The following MDC1 variants were observed in gnomAD, a reference collection of about 807,000 sequenced individuals.
MDC1 encodes the protein mediator of DNA damage checkpoint 1, also known as mediator of DNA damage checkpoint protein 1.
A neutral mutation model predicts 142.5 loss-of-function variants in MDC1; 81 were observed. The ratio of observed to expected loss-of-function variants is 0.57; its 90% confidence interval spans 0.47 to 0.68. The LOEUF (loss-of-function observed/expected upper bound fraction) is 0.68. MDC1 is among the 30% of genes least tolerant of loss of function. The pLI, the probability that MDC1 is intolerant of heterozygous loss-of-function variation, is 0.00. For synonymous variants in MDC1, 797 were observed against 968.4 expected (o/e 0.82, Z 3.29); for missense variants, 2,119 against 2,547.9 (o/e 0.83, Z 3.62).
At position 30,705,433 on chromosome 6, in the gene MDC1, G is replaced by A; in HGVS notation, c.3750C>T (p.Leu1250=). The A allele has an allele frequency of 6.2e-7, 1 of 1,611,328 alleles. No individual in the cohort carries two copies. The part of the protein sequence containing the change: ...PEPVVPTAPE[L]QPSTSTDQPV... The stretch of plus-strand genomic sequence containing the variant: ...GCTGGTCTGTGGAGGTGGAAGGCTG[G>A]AGCTCAGGGGCTGTGGGGACAACTG... Residue 1250 remains leucine, a synonymous_variant, in exon 10 of 15, where the codon CTC becomes CTT. Transcript: ENST00000376406.
At position 30,705,771 on chromosome 6, in the gene MDC1, T is replaced by A. The variant is rs1177579340; in HGVS notation, c.3412A>T (p.Thr1138Ser). 2 of 1,612,724 alleles carry A rather than the reference T, an allele frequency of 1.2e-6. No individual in the cohort carries two copies. Among genetic ancestry groups the A allele is most frequent in the Non-Finnish European group, 8.5e-7 (1 of 1,179,314 alleles). The change falls in exon 10 of 15, where the codon ACT becomes TCT. Residue 1138 changes from threonine to serine, a missense_variant. Coordinates refer to ENST00000376406, the MANE Select transcript of MDC1 (RefSeq NM_014641.3). ...HPSTSTAQPVTPKPTSQATRS... is the reference protein window; with the variant it reads ...HPSTSTAQPVSPKPTSQATRS... ...GTGGCCTGAGATGTGGGCTTGGGAG[T>A]GACTGGCTGGGCTGTGGAGGTGGAA...
chr6:30,707,630 G>A lies in MDC1; in HGVS notation c.2949C>T (p.Pro983=), dbSNP rs553159423. ...CACCTGACTGGCTCCCAGAAGGTAC[G>A]GGGGCTGAGGTAGGTCCCGGAAGGT... ...AGDLPGPTSA[P]VPSGSQSGGR... Residue 983 remains proline, a synonymous_variant, in exon 8 of 15, where the codon CCC becomes CCT. Coordinates refer to ENST00000376406, the MANE Select transcript of MDC1 (RefSeq NM_014641.3). 61 of 1,613,008 alleles carry A rather than the reference G, an allele frequency of 3.8e-5. No individual in the cohort carries two copies. The African/African-American group carries it at 5.5e-4, about 14-fold the overall frequency.
chr6:30,714,558 C>T, intron 2 of MDC1, among the ~76,000 whole-genome samples: 1 of 150,754 alleles, frequency 6.6e-6, no homozygotes, highest in Non-Finnish European at 1.5e-5. Context: ...GTCACCCAGG[C>T]TAGAATGCAG....
Position 30,705,287 on chromosome 6 carries a change from C to T in MDC1, c.3896G>A (p.Arg1299Gln), listed in dbSNP as rs144657716. The T allele has an allele frequency of 3.8e-3, 5,593 of 1,473,696 alleles. 60 individuals carry two copies. The highest frequency in any genetic ancestry group is 0.013 in the African/African-American group (729 of 54,784). 91.3% of individuals were successfully genotyped at this position (1,473,696 alleles called of 1,614,324 possible). The change falls in exon 10 of 15, where the codon CGA (arginine) becomes CAA (glutamine). Residue 1299 changes from arginine to glutamine, a missense_variant. By Grantham distance (43) the Arg-to-Gln change is conservative. Transcript: ENST00000376406. ...AGATGTGGGCTTGGGGGTGACAGGT[C>T]GGTCTGTGGAGGTGGAAGGCCGGAG... ...PELRPSTSTD[R>Q]PVTPKPTSRT...
rs1046878940 is a variant in MDC1, at chr6:30,715,350, T to G, written c.-3-172A>C. 6.6e-6 allele frequency among the ~76,000 whole-genome samples: 1 copy of G among 152,236 alleles called. No individual in the cohort carries two copies. Among genetic ancestry groups the G allele is most frequent in the African/African-American group, 2.4e-5 (1 of 41,458 alleles). Reference sequence around the variant, plus strand: ...TGAAGCACTTAAAACATTTTTTTCTTTTTTGTGATGGAGTCTCGTTCTGCT... The same window carrying G: ...TGAAGCACTTAAAACATTTTTTTCTGTTTTGTGATGGAGTCTCGTTCTGCT... On this transcript the variant is annotated intron_variant, in intron 1 of 14. Coordinates refer to ENST00000376406, the MANE Select transcript of MDC1 (RefSeq NM_014641.3). This position sits in a 1 kb window ranked among gnomAD's most constrained non-coding sequence, Gnocchi z 4.1.
Position 30,704,525 on chromosome 6 carries a change from G to A in MDC1, c.4658C>T (p.Ser1553Phe). 6.2e-7 allele frequency: 1 copy of A among 1,611,918 alleles called. No homozygotes were observed. Among genetic ancestry groups the A allele is most frequent in the African/African-American group, 1.3e-5 (1 of 74,898 alleles). Residue 1553 changes from serine (S) to phenylalanine (F), a missense_variant, in exon 10 of 15, where the codon TCT (serine) becomes TTT (phenylalanine). Transcript: ENST00000376406. ...TDQPVTPEPT[S>F]RATRGRTNRS... ...ATTTGTCCTGCCCCTAGTGGCCCGA[G>A]ATGTGGGCTCAGGGGTGACAGGTTG... is the stretch of plus-strand genomic sequence containing the variant.
At chr6:30,714,350 C>G (rs1191296204) in intron 2 of MDC1, among the ~76,000 whole-genome samples, 167 bp from the exon 3 acceptor site, 1 of 152,120 alleles carries the variant, frequency 6.6e-6, no homozygotes. Flanking sequence ...GATACCCCAT[C>G]CATCCACAAT....
At position 30,708,359 on chromosome 6, in the gene MDC1, TGGAAGGGGA is replaced by T. The variant is rs1419779411; in HGVS notation, c.2222-11_2222-3del. 6 of 1,604,600 alleles carry T rather than the reference TGGAAGGGGA, an allele frequency of 3.7e-6. No individual in the cohort carries two copies. Among genetic ancestry groups the T allele is most frequent in the Admixed American group, 3.4e-5 (2 of 59,668 alleles). ...CCTCCCATGGTTCATCTAGGGTACC[TGGAAGGGGA>T]GGAAGGAAGAGAGAGAGAGGGAGAG... On this transcript the variant is annotated splice_polypyrimidine_tract_variant and splice_region_variant and intron_variant, in intron 7 of 14. Transcript: ENST00000376406.
chr6:30,713,171 C>G lies in MDC1; in HGVS notation c.771G>C (p.Gln257His). Residue 257 changes from glutamine (Q) to histidine (H), a missense_variant, in exon 5 of 15, where the codon CAG becomes CAC. Gln to His is a conservative substitution (Grantham distance 24). Transcript: ENST00000376406. This position sits in a 1 kb window ranked among gnomAD's most constrained non-coding sequence, Gnocchi z 4.9. ...TCACTAAAGGCTGATCCTTTTCAAG[C>G]TGGATTTCAGTTACAACTTCAGCTT... ...QSEAEVVTEI[Q>H]LEKDQPLVKE... The G allele has an allele frequency of 6.2e-7, 1 of 1,613,024 alleles. No individual in the cohort carries two copies. The highest frequency in any genetic ancestry group is 8.5e-7 in the Non-Finnish European group (1 of 1,179,954).
In MDC1 at chr6:30,702,542, C is replaced by T. The variant is rs1165775052; in HGVS notation, c.6102+11G>A. 3 of 1,543,244 alleles carry T rather than the reference C, an allele frequency of 1.9e-6. No individual in the cohort carries two copies. Among genetic ancestry groups the T allele is most frequent in the Admixed American group, 2.1e-5 (1 of 48,618 alleles). The stretch of plus-strand genomic sequence containing the variant: ...GCCACCTCACCCAGACCCAGAACAT[C>T]CTAAGCATACCTTATAGGACCGAGG... On this transcript the variant is annotated intron_variant, in intron 14 of 14. Transcript: ENST00000376406.
rs1233711951 is a variant in MDC1 at position 30,707,798 on chromosome 6, C to T, written c.2781G>A (p.Glu927=). 2 of 1,613,006 alleles carry T rather than the reference C, an allele frequency of 1.2e-6. No homozygotes were observed. The highest frequency in any genetic ancestry group is 2.2e-5 in the East Asian group (1 of 44,866). The stretch of plus-strand genomic sequence containing the variant: ...TCTCTTCTAACTCGGCTGGATCGCA[C>T]TCTCTGTTTGCTACTGGTCTCTCTA... The part of the protein sequence containing the change: ...REVERPVANR[E]CDPAELEEKV... The change falls in exon 8 of 15, where the codon GAG becomes GAA. Residue 927 remains glutamate (E), a synonymous_variant. Coordinates refer to ENST00000376406, the MANE Select transcript of MDC1 (RefSeq NM_014641.3).
Position 30,712,071 on chromosome 6 carries a change from C to G in MDC1, c.1871G>C (p.Gly624Ala), listed in dbSNP as rs746258696. 6.3e-7 allele frequency: 1 copy of G among 1,590,640 alleles called. No individual in the cohort carries two copies. The highest frequency in any genetic ancestry group is 8.6e-7 in the Non-Finnish European group (1 of 1,168,860). Residue 624 changes from glycine to alanine, a missense_variant, in exon 5 of 15, where the codon GGG (glycine) becomes GCG (alanine). By Grantham distance (60) the Gly-to-Ala change is moderately conservative (BLOSUM62 0). Coordinates refer to ENST00000376406, the MANE Select transcript of MDC1 (RefSeq NM_014641.3). The surrounding 1 kb of genome is among the most constrained non-coding windows in gnomAD (Gnocchi z 4.7). Reference protein sequence around the residue: ...VLKQERAHEVGAQGGPPVAQV... With the variant: ...VLKQERAHEVAAQGGPPVAQV... ...TGCCACAGGTGGCCCACCCTGGGCC[C>G]CCACCTCATGAGCTCTCTCCTGCTT...
rs879496328 is a variant in MDC1 at position 30,700,196 on chromosome 6, A to G, written c.*269T>C. 1.4e-5 allele frequency: 5 copies of G among 348,684 alleles called. No homozygotes were observed. Among genetic ancestry groups the G allele is most frequent in the Non-Finnish European group, 2.6e-5 (5 of 195,448 alleles). 21.6% of individuals were successfully genotyped at this position (348,684 alleles called of 1,614,324 possible). A position where few individuals can be genotyped will look rare whatever the true frequency, so the allele number is the denominator to read the frequency against. ...AATGGCCATTTAATACATGCATGTAAGAAATCTTGTATCCCCTAAATCTAT... is the reference window on the plus strand; with the variant it reads ...AATGGCCATTTAATACATGCATGTAGGAAATCTTGTATCCCCTAAATCTAT... On this transcript the variant is annotated 3_prime_UTR_variant, in exon 15 of 15. Transcript: ENST00000376406.
chr6:30,712,747 C>G lies in MDC1; in HGVS notation c.1195G>C (p.Val399Leu). 1 of 1,613,096 alleles carries G rather than the reference C, an allele frequency of 6.2e-7. No individual in the cohort carries two copies. The highest frequency in any genetic ancestry group is 8.5e-7 in the Non-Finnish European group (1 of 1,180,030). The change falls in exon 5 of 15, where the codon GTT (valine) becomes CTT (leucine). Residue 399 changes from valine (V) to leucine (L), a missense_variant. Val to Leu is a conservative substitution (Grantham distance 32). Transcript: ENST00000376406. The surrounding 1 kb of genome is among the most constrained non-coding windows in gnomAD (Gnocchi z 4.7). ...TCGTCATCTGTATCGCTGTTGATAA[C>G]CATGGAAGCTTGGCTTTTCTCCAGA... is the stretch of plus-strand genomic sequence containing the variant. ...VPLEKSQASMVINSDTDDEEE... is the reference protein window; with the variant it reads ...VPLEKSQASMLINSDTDDEEE...
At position 30,700,454 on chromosome 6, in the gene MDC1, T is replaced by C. The variant is rs1464820746; in HGVS notation, c.*11A>G. On this transcript the variant is annotated 3_prime_UTR_variant, in exon 15 of 15. Transcript: ENST00000376406. ...ATTCGTGGTCTGGGAGGGAAAAGGG[T>C]AGTGGAGTTCTCAGGTGGATGACAT... 3.1e-6 allele frequency: 5 copies of C among 1,608,962 alleles called. No individual in the cohort carries two copies. Among genetic ancestry groups the C allele is most frequent in the Admixed American group, 1.7e-5 (1 of 59,846 alleles).
At position 30,707,693 on chromosome 6, in the gene MDC1, G is replaced by A. The variant is rs764825029; in HGVS notation, c.2886C>T (p.Ala962=). The part of the protein sequence containing the change: ...EGGSQDQKGQ[A]SSPTPEPGVG... The stretch of plus-strand genomic sequence containing the variant: ...CCCCAGGCTCTGGTGTTGGGCTGGA[G>A]GCCTGCCCTTTCTGGTCCTGGCTCC... Residue 962 remains alanine, a synonymous_variant, in exon 8 of 15, where the codon GCC becomes GCT. Transcript: ENST00000376406. 1.2e-5 allele frequency: 20 copies of A among 1,612,970 alleles called. No individual in the cohort carries two copies. Among genetic ancestry groups the A allele is most frequent in the Non-Finnish European group, 1.7e-5 (20 of 1,180,042 alleles).
rs775837836 is a variant in MDC1 at position 30,704,160 on chromosome 6, T to C, written c.5023A>G (p.Ile1675Val). Residue 1675 changes from isoleucine (I) to valine (V), a missense_variant, in exon 10 of 15, where the codon ATA becomes GTA. Coordinates refer to ENST00000376406, the MANE Select transcript of MDC1 (RefSeq NM_014641.3). ...PTDQSVTPEA[I>V]AQGGQSKTLR... ...GTTTTGCTCTGACCACCCTGAGCTATGGCCTCAGGGGTGACGGACTGGTCT... is the reference window on the plus strand; with the variant it reads ...GTTTTGCTCTGACCACCCTGAGCTACGGCCTCAGGGGTGACGGACTGGTCT... 74 of 1,613,628 alleles carry C rather than the reference T, an allele frequency of 4.6e-5. No individual in the cohort carries two copies. Among genetic ancestry groups the C allele is most frequent in the Non-Finnish European group, 6.1e-5 (72 of 1,179,762 alleles).
At chr6:30,717,047 T>C (rs889499581) in intron 1 of MDC1, 198 bp downstream of exon 1, 1 of 304,726 alleles carries the variant, frequency 3.3e-6, no homozygotes. Flanking sequence ...CCTCAGTGGG[T>C]TCCCTTGTGG....
In MDC1 at chr6:30,711,409, T is replaced by A; in HGVS notation, c.2221+3A>T. On this transcript the variant is annotated splice_donor_region_variant and intron_variant, in intron 7 of 14. Transcript: ENST00000376406. ...ACACAGAGGAGGGAAGAGTTTCTTA[T>A]ACCTGTTGTCTGGAAGCTGCAATGG... The A allele has an allele frequency of 6.2e-7, 1 of 1,612,042 alleles. No individual in the cohort carries two copies. Among genetic ancestry groups the A allele is most frequent in the African/African-American group, 1.3e-5 (1 of 75,022 alleles).
Sources: gnomAD v4.1 joint callset for allele counts (sites outside exome capture counted in the v4.1 genomes callset) on GRCh38, gnomAD v4.1.1 for gene constraint, Gnocchi (gnomAD v3.1) non-coding constraint, MANE v1.5 for transcripts, NCBI Gene and HGNC (gene_info 2026-07-23, HGNC 2026-07-21) for gene names.